The following NFXL1 variants were observed in gnomAD, a reference collection of about 807,000 sequenced individuals.
NFXL1 encodes the protein NF-X1-type zinc finger protein NFXL1.
NFXL1 carries 66 observed loss-of-function variants against 123.3 expected under a neutral mutation model. That is an observed-to-expected ratio of 0.54 (90% CI 0.44 to 0.66). The LOEUF (loss-of-function observed/expected upper bound fraction) is 0.66, where lower values mean the gene tolerates loss of function less well. Ranked by LOEUF, NFXL1 falls within the 30% of genes least tolerant of loss-of-function variation. NFXL1 has a pLI of 0.00. For synonymous variants in NFXL1, 346 were observed against 360.8 expected, an observed-to-expected ratio of 0.96 and a Z score of 0.46; for missense variants, 944 against 1,125.6, an observed-to-expected ratio of 0.84 and a Z score of 2.31.
At chr4:47,903,625 G>A (rs1737441287) in intron 4 of NFXL1, among the ~76,000 whole-genome samples, 2 of 151,934 alleles carry the variant, frequency 1.3e-5, no homozygotes, top group South Asian at 4.1e-4. Flanking sequence ...AAAAAATGAG[G>A]TCATACTATA....
intron 5 of NFXL1, among the ~76,000 whole-genome samples, chr4:47,900,434 T>C (rs534294827): frequency 3.2e-4 from 48 of 152,282 alleles, no homozygotes; most frequent in African/African-American, 1.2e-3. Flanking sequence ...TGGTCTTAAC[T>C]CCTGACCTCA....
Position 47,885,541 on chromosome 4 carries a change from G to A in NFXL1, c.1781C>T (p.Pro594Leu), listed in dbSNP as rs1736378777. The A allele has an allele frequency of 1.2e-6, 2 of 1,613,662 alleles. No individual in the cohort carries two copies. Among genetic ancestry groups the A allele is most frequent in the Admixed American group, 1.7e-5 (1 of 59,996 alleles). The change falls in exon 14 of 23, where the codon CCT (proline) becomes CTT (leucine). Residue 594 changes from proline to leucine, a missense_variant. Pro to Leu is a moderately conservative substitution (Grantham distance 98). This residue lies in a region of NFXL1 where 44 missense variants were observed against 90.4 expected (regional missense o/e 0.49). Transcript: ENST00000507489. ...KVLEKCGHLCPAPCHDQALIK... is the reference protein window; with the variant it reads ...KVLEKCGHLCLAPCHDQALIK... The stretch of plus-strand genomic sequence containing the variant: ...TAATGCTTGATCATGACACGGAGCA[G>A]GACACAAGTGACCACATTTCTCCAA...
In NFXL1 at chr4:47,903,193, CAA is replaced by C. The variant is rs1476994712; in HGVS notation, c.645_646del (p.Cys216SerfsTer4). 6.4e-7 allele frequency: 1 copy of C among 1,563,854 alleles called. No homozygotes were observed. On this transcript the variant is annotated frameshift_variant and splice_region_variant, in exon 5 of 23. Transcript: ENST00000507489. LOFTEE classifies it high-confidence loss of function. ...AATCCAACTAATTAGAAAAAGTTACCAAGGCCAGGGACAATCTTTCTTTCCAA... is the reference window on the plus strand; with the variant it reads ...AATCCAACTAATTAGAAAAAGTTACCGGCCAGGGACAATCTTTCTTTCCAA...
rs1028058453 is a variant in NFXL1, at chr4:47,855,107, G to A, written c.2373C>T (p.Asn791=). The A allele has an allele frequency of 4.4e-6, 7 of 1,584,244 alleles. No individual in the cohort carries two copies. The highest frequency in any genetic ancestry group is 6.0e-6 in the Non-Finnish European group (7 of 1,159,592). Residue 791 remains asparagine, a synonymous_variant, in exon 20 of 23, where the codon AAC becomes AAT. Coordinates refer to ENST00000507489, the MANE Select transcript of NFXL1 (RefSeq NM_001278624.2). The part of the protein sequence containing the change: ...EMCHPGECPF[N]CNQKVKLRCP... Reference sequence around the variant, plus strand: ...ATCTAAGTTTTACCTTCTGGTTGCAGTTAAAGGGACATTCACCAGGATGAC... The same window carrying A: ...ATCTAAGTTTTACCTTCTGGTTGCAATTAAAGGGACATTCACCAGGATGAC...
chr4:47,883,620 A>G (rs1736245032), intron 15 of NFXL1, among the ~76,000 whole-genome samples: 1 of 152,232 alleles, frequency 6.6e-6, no homozygotes, highest in East Asian at 1.9e-4. Context: ...ACCAATACAC[A>G]AAAATATACA....
chr4:47,872,792 G>A (rs1296293388), intron 18 of NFXL1, among the ~76,000 whole-genome samples: 1 of 152,128 alleles, frequency 6.6e-6, no homozygotes, highest in Non-Finnish European at 1.5e-5. Context: ...TATGGCTGCT[G>A]ACTGATCAGG....
intron 18 of NFXL1, among the ~76,000 whole-genome samples, chr4:47,864,920 C>T (rs1057431787): frequency 6.6e-6 from 1 of 152,176 alleles, no homozygotes; most frequent in Non-Finnish European, 1.5e-5. Context: ...CTGTGTGAAC[C>T]TAAACTTGAA....
At chr4:47,877,246 C>T in intron 17 of NFXL1, 1 of 433,592 alleles carries the variant, frequency 2.3e-6, no homozygotes, top group South Asian at 1.6e-5. Flanking sequence ...ATGGCAGAAA[C>T]AAAAAAAATC....
intron 18 of NFXL1, among the ~76,000 whole-genome samples, chr4:47,874,119 T>A (rs1403823720): frequency 2.6e-5 from 4 of 152,242 alleles, no homozygotes; most frequent in South Asian, 2.1e-4. Flanking sequence ...TGATCTTCTA[T>A]CCAAACCACT....
At position 47,903,214 on chromosome 4, in the gene NFXL1, T is replaced by C. The variant is rs1737422965; in HGVS notation, c.626A>G (p.Lys209Arg). Residue 209 changes from lysine to arginine, a missense_variant, in exon 5 of 23, where the codon AAG becomes AGG. Physicochemically the swap from Lys to Arg is conservative, Grantham distance 26. This residue lies in a region of NFXL1 where 303 missense variants were observed against 292.1 expected (regional missense o/e 1.04). Transcript: ENST00000507489. ...VSSVTDDDFG[K>R]KDCPWPCPKC... ...TTACCAAGGCCAGGGACAATCTTTC[T>C]TTCCAAAATCATCATCAGTCACAGA... 6.3e-7 allele frequency: 1 copy of C among 1,593,220 alleles called. No homozygotes were observed. The highest frequency in any genetic ancestry group is 8.5e-7 in the Non-Finnish European group (1 of 1,171,328).
At position 47,878,553 on chromosome 4, in the gene NFXL1, T is replaced by C. The variant is rs372670340; in HGVS notation, c.2051A>G (p.Lys684Arg). The change falls in exon 17 of 23, where the codon AAA becomes AGA. Residue 684 changes from lysine (K) to arginine (R), a missense_variant. Around this residue, in one of 4 missense-constraint regions of NFXL1, gnomAD observed 301 missense variants for 348.0 expected, o/e 0.86. Coordinates refer to ENST00000507489, the MANE Select transcript of NFXL1 (RefSeq NM_001278624.2). ...GTTTTTTCCAGTGCAGCCATCAGTTTTGGTTACTTTGTGGCATTCTTTCAT... is the reference window on the plus strand; with the variant it reads ...GTTTTTTCCAGTGCAGCCATCAGTTCTGGTTACTTTGTGGCATTCTTTCAT... Reference protein sequence around the residue: ...TCMKECHKVTKTDGCTGKNKA... With the variant: ...TCMKECHKVTRTDGCTGKNKA... 1 of 1,601,298 alleles carries C rather than the reference T, an allele frequency of 6.2e-7. No homozygotes were observed. Among genetic ancestry groups the C allele is most frequent in the Non-Finnish European group, 8.5e-7 (1 of 1,174,376 alleles).
intron 18 of NFXL1, among the ~76,000 whole-genome samples, chr4:47,870,741 T>C (rs999308726): frequency 6.6e-6 from 1 of 152,146 alleles, no homozygotes; most frequent in Non-Finnish European, 1.5e-5. Context: ...TAAATATCAC[T>C]GCCCATTAAA....
chr4:47,858,959 G>T (rs562038437), intron 19 of NFXL1, among the ~76,000 whole-genome samples: 1 of 152,180 alleles, frequency 6.6e-6, no homozygotes, highest in Non-Finnish European at 1.5e-5. Flanking sequence ...GTAAGTATAT[G>T]TCATCTCAAA....
chr4:47,875,083 C>T (rs1251405552), intron 18 of NFXL1, 44 bp downstream of exon 18: 1 of 1,319,668 alleles, frequency 7.6e-7, no homozygotes, highest in Non-Finnish European at 1.1e-6. Flanking sequence ...GATACCAATT[C>T]AACTAATTGT....
Position 47,894,253 on chromosome 4 carries a change from C to T in NFXL1, c.1379G>A (p.Cys460Tyr). The stretch of plus-strand genomic sequence containing the variant: ...AGTTTCACACAGATAAGGTTTATGA[C>T]AAGGCATTCGTTTTGTATGCTTTCC... ...RCGKHTKRMP[C>Y]HKPYLCETKC... The change falls in exon 11 of 23, where the codon TGT (cysteine) becomes TAT (tyrosine). Residue 460 changes from cysteine to tyrosine, a missense_variant. By Grantham distance (194) the Cys-to-Tyr change is radical (BLOSUM62 -2). This residue lies in a region of NFXL1 where 296 missense variants were observed against 395.1 expected (regional missense o/e 0.75). Transcript: ENST00000507489. The T allele has an allele frequency of 6.2e-7, 1 of 1,604,270 alleles. No homozygotes were observed. The highest frequency in any genetic ancestry group is 8.5e-7 in the Non-Finnish European group (1 of 1,174,474).
At chr4:47,894,043 A>G in intron 11 of NFXL1, 137 bp downstream of exon 11, 2 of 487,098 alleles carry the variant, frequency 4.1e-6, no homozygotes, top group Non-Finnish European at 6.7e-6. Flanking sequence ...CTTAATCTAG[A>G]ATATTTATTA....
chr4:47,859,756 C>T (rs908565058), intron 19 of NFXL1, among the ~76,000 whole-genome samples: 1 of 140,080 alleles, frequency 7.1e-6, no homozygotes, highest in African/African-American at 2.7e-5. Context: ...GCAGGAGAAT[C>T]GCTTGAACCT....
chr4:47,879,028 G>A (rs1735924034), intron 16 of NFXL1, 68 bp downstream of exon 16: 2 of 888,318 alleles, frequency 2.3e-6, no homozygotes, highest in Non-Finnish European at 3.5e-6. Context: ...AACAACTCTA[G>A]TAAAGTTATA....
rs935455700 is a variant in NFXL1 at position 47,890,661 on chromosome 4, G to A, written c.1495C>T (p.Arg499Trp). The change falls in exon 12 of 23, where the codon CGG (arginine) becomes TGG (tryptophan). Residue 499 changes from arginine to tryptophan, a missense_variant. Physicochemically the swap from Arg to Trp is moderately radical, Grantham distance 101. Around this residue, in one of 4 missense-constraint regions of NFXL1, gnomAD observed 296 missense variants for 395.1 expected, o/e 0.75. Coordinates refer to ENST00000507489, the MANE Select transcript of NFXL1 (RefSeq NM_001278624.2). ...NCPPCDQNCG[R>W]TLGCRNHKCP... ...TTATGGTTTCTACATCCTAAAGTCC[G>A]TCCACAGTTTTGATCACAAGGTGGA... 8.1e-6 allele frequency: 13 copies of A among 1,610,742 alleles called. No homozygotes were observed. Among genetic ancestry groups the A allele is most frequent in the African/African-American group, 2.7e-5 (2 of 74,750 alleles).
Sources: allele counts gnomAD v4.1 joint callset (sites outside exome capture counted in the v4.1 genomes callset), GRCh38; gene constraint gnomAD v4.1.1; regional missense constraint gnomAD v4.1.1; transcripts MANE v1.5; gene names NCBI Gene and HGNC (gene_info 2026-07-23, HGNC 2026-07-21).